SPICE1: variants seen among roughly 807,000 people sequenced by gnomAD.
The protein encoded by SPICE1 is spindle and centriole-associated protein 1.
Under a neutral mutation model 102.7 loss-of-function variants are expected in SPICE1, and 75 were observed. The observed-to-expected ratio is 0.73, with a 90% CI of 0.61 to 0.88. The LOEUF (loss-of-function observed/expected upper bound fraction) is 0.88. Among genes scored for constraint, SPICE1 ranks in the 40% least tolerant of loss-of-function variants. The pLI, the probability that SPICE1 is intolerant of heterozygous loss-of-function variation, is 0.00. For synonymous variants in SPICE1, 308 were observed against 350.3 expected, an observed-to-expected ratio of 0.88 and a Z score of 1.35; for missense variants, 979 against 1,020.1, an observed-to-expected ratio of 0.96 and a Z score of 0.55.
intron 7 of SPICE1, among the ~76,000 whole-genome samples, chr3:113,472,644 G>A (rs565387797): frequency 1.3e-5 from 2 of 152,308 alleles, no homozygotes; most frequent in South Asian, 4.1e-4. Flanking sequence ...CCACTGTTCT[G>A]CAGCCACCGC....
chr3:113,494,233 G>A, intron 4 of SPICE1, 91 bp from the exon 5 acceptor site: 3 of 802,532 alleles, frequency 3.7e-6, no homozygotes, highest in Non-Finnish European at 5.8e-6. Flanking sequence ...CCTGGAGCAT[G>A]AAAATAACCA....
chr3:113,507,262 C>T (rs909783245), intron 1 of SPICE1, among the ~76,000 whole-genome samples: 1 of 152,014 alleles, frequency 6.6e-6, no homozygotes, highest in Admixed American at 6.6e-5. Flanking sequence ...AACAGCAATG[C>T]TAAGCACACT....
At chr3:113,483,416 G>A (rs1041148141) in intron 7 of SPICE1, among the ~76,000 whole-genome samples, 3 of 152,108 alleles carry the variant, frequency 2.0e-5, no homozygotes, top group African/African-American at 4.8e-5. Flanking sequence ...TTGCCTGATT[G>A]TCATGGCCAG....
chr3:113,458,607 A>G (rs2107452777), intron 12 of SPICE1, among the ~76,000 whole-genome samples: 1 of 152,230 alleles, frequency 6.6e-6, no homozygotes, highest in South Asian at 2.1e-4. Flanking sequence ...CAAAGTGCCG[A>G]GATTGCAGCC....
intron 15 of SPICE1, chr3:113,449,772 T>C (rs1174200349): frequency 6.5e-6 from 1 of 154,462 alleles, no homozygotes; most frequent in Non-Finnish European, 1.4e-5. Context: ...TAGCTGTCCC[T>C]TGAGGGCCTT....
At chr3:113,479,534 C>A (rs12054036) in intron 7 of SPICE1, among the ~76,000 whole-genome samples, 23,934 of 151,760 alleles carry the variant, frequency 0.16, 2,417 homozygotes, top group East Asian at 0.32. Flanking sequence ...AGTTCTAGAT[C>A]CCTGAGGAAT....
chr3:113,463,685 ATATC>A (rs1935985489), intron 11 of SPICE1, among the ~76,000 whole-genome samples: 1 of 152,266 alleles, frequency 6.6e-6, no homozygotes. Flanking sequence ...TTTCTATGTA[ATATC>A]TATATTAGGC....
intron 3 of SPICE1, among the ~76,000 whole-genome samples, chr3:113,502,303 G>A (rs1270753507): frequency 2.6e-5 from 4 of 152,204 alleles, no homozygotes; most frequent in African/African-American, 9.7e-5. Context: ...GATCACAGGA[G>A]GTGGAGGCTG....
At chr3:113,479,960 C>A (rs190775211) in intron 7 of SPICE1, among the ~76,000 whole-genome samples, 189 of 152,094 alleles carry the variant, frequency 1.2e-3, no homozygotes, top group African/African-American at 4.2e-3. Flanking sequence ...AATGTTAGTT[C>A]TTCAAAAATT....
intron 7 of SPICE1, among the ~76,000 whole-genome samples, chr3:113,484,306 T>C (rs989814166): frequency 6.6e-5 from 10 of 152,072 alleles, no homozygotes; most frequent in Non-Finnish European, 1.5e-4. Context: ...CCAGTCTATT[T>C]TGTTGATCTT....
intron 7 of SPICE1, among the ~76,000 whole-genome samples, chr3:113,480,931 A>AGAAAGAAAGAAAGAAAGAAAGAAAG (rs61284128): frequency 0.015 from 2,086 of 143,600 alleles, 70 homozygotes; most frequent in Middle Eastern, 0.042. Flanking sequence ...AAAGAAAGAA[A>AGAAAGAAAGAAAGAAAGAAAGAAAG]AAAGACCTCA....
At chr3:113,500,826 C>T (rs1477260083) in intron 3 of SPICE1, among the ~76,000 whole-genome samples, 1 of 152,086 alleles carries the variant, frequency 6.6e-6, no homozygotes, top group African/African-American at 2.4e-5. Context: ...CTCCTGGGTA[C>T]ACAAAGATGT....
At position 113,445,064 on chromosome 3, in the gene SPICE1, A is replaced by G; in HGVS notation, c.*243T>C. 3.0e-6 allele frequency: 1 copy of G among 335,986 alleles called. No homozygotes were observed. Among genetic ancestry groups the G allele is most frequent in the Non-Finnish European group, 5.3e-6 (1 of 187,534 alleles). 20.8% of individuals were successfully genotyped at this position (335,986 alleles called of 1,614,324 possible). ...TTAAAATACTTAAGAAAGTATTAAA[A>G]TACAAAACTTTAACTTCTCTACAGT... On this transcript the variant is annotated 3_prime_UTR_variant, in exon 18 of 18. Coordinates refer to ENST00000295872, the MANE Select transcript of SPICE1 (RefSeq NM_144718.4).
intron 7 of SPICE1, among the ~76,000 whole-genome samples, chr3:113,473,041 A>C (rs1243967410): frequency 6.6e-6 from 1 of 152,208 alleles, no homozygotes; most frequent in African/African-American, 2.4e-5. Flanking sequence ...ACTTTGAAAA[A>C]AATTTAGATG....
chr3:113,446,534 G>T, intron 17 of SPICE1, 55 bp downstream of exon 17: 1 of 1,273,290 alleles, frequency 7.9e-7, no homozygotes, highest in Non-Finnish European at 1.1e-6. Context: ...CACTAAATCA[G>T]CCACCTTCTA....
chr3:113,491,904 G>A (rs138674067), intron 6 of SPICE1, among the ~76,000 whole-genome samples: 26 of 152,120 alleles, frequency 1.7e-4, no homozygotes, highest in African/African-American at 5.3e-4. Context: ...TCAAGTGTGC[G>A]AATGGACTCT....
intron 7 of SPICE1, among the ~76,000 whole-genome samples, chr3:113,477,624 A>T (rs1253496440): frequency 6.6e-6 from 1 of 152,156 alleles, no homozygotes; most frequent in African/African-American, 2.4e-5. Context: ...TGATAAGTTC[A>T]TGTCCTTTGT....
intron 1 of SPICE1, among the ~76,000 whole-genome samples, chr3:113,513,120 C>T (rs1937251607): frequency 6.6e-6 from 1 of 152,042 alleles, no homozygotes; most frequent in South Asian, 2.1e-4. Flanking sequence ...CACCTTTCCT[C>T]AAAACTTCAA....
At chr3:113,500,543 A>C (rs1936989239) in intron 3 of SPICE1, among the ~76,000 whole-genome samples, 1 of 152,178 alleles carries the variant, frequency 6.6e-6, no homozygotes, top group Admixed American at 6.5e-5. Flanking sequence ...CATTTTTAAA[A>C]AATGCAAACT....
Sources: allele counts gnomAD v4.1 joint callset (sites outside exome capture counted in the v4.1 genomes callset), GRCh38; gene constraint gnomAD v4.1.1; transcripts MANE v1.5; gene names NCBI Gene and HGNC (gene_info 2026-07-23, HGNC 2026-07-21).